FAM107B: variants seen among roughly 807,000 people sequenced by gnomAD.
FAM107B encodes protein FAM107B.
In FAM107B, 21 loss-of-function variants were observed where a neutral mutation model predicts 31.5. That is an observed-to-expected ratio of 0.67 (90% CI 0.47 to 0.96). The LOEUF is 0.96. Among genes scored for constraint, FAM107B ranks in the 40% least tolerant of loss-of-function variants. The pLI is 0.00. For synonymous variants in FAM107B, 157 were observed against 141.5 expected, an observed-to-expected ratio of 1.11 and a Z score of -0.78; for missense variants, 452 against 377.1, an observed-to-expected ratio of 1.20 and a Z score of -1.64.
chr10:14,761,070 T>C (rs1039944500), intron 1 of FAM107B, among the ~76,000 whole-genome samples: 10 of 147,314 alleles, frequency 6.8e-5, no homozygotes, highest in African/African-American at 2.5e-4. Flanking sequence ...GGGTGTTTAA[T>C]GAGAAAAAAG....
intron 2 of FAM107B, among the ~76,000 whole-genome samples, chr10:14,619,889 T>C (rs893735119): frequency 6.6e-6 from 1 of 152,012 alleles, no homozygotes; most frequent in Non-Finnish European, 1.5e-5. Context: ...TTTTTTTTCA[T>C]TAGTATACAG....
At chr10:14,576,529 A>AAACAAAAAC (rs1554836075) in intron 2 of FAM107B, among the ~76,000 whole-genome samples, 2 of 147,194 alleles carry the variant, frequency 1.4e-5, no homozygotes, top group African/African-American at 5.3e-5. Context: ...TACATCTCAA[A>AAACAAAAAC]AACAACAACA....
intron 1 of FAM107B, among the ~76,000 whole-genome samples, chr10:14,708,997 A>G (rs1314404467): frequency 1.3e-5 from 2 of 151,996 alleles, no homozygotes; most frequent in African/African-American, 4.8e-5. Context: ...ACAATGAGAT[A>G]CCACTGCATA....
At chr10:14,769,511 A>G (rs1329468129) in intron 1 of FAM107B, among the ~76,000 whole-genome samples, 1 of 151,996 alleles carries the variant, frequency 6.6e-6, no homozygotes, top group Non-Finnish European at 1.5e-5. Context: ...CAGTCTCCCA[A>G]GTAGCTGGGA....
At chr10:14,764,491 G>A (rs1833123203) in intron 1 of FAM107B, among the ~76,000 whole-genome samples, 1 of 152,148 alleles carries the variant, frequency 6.6e-6, no homozygotes, top group African/African-American at 2.4e-5. Flanking sequence ...GTCCTTTGTG[G>A]AGGATTCCCC....
At chr10:14,746,949 T>C (rs1041645536) in intron 1 of FAM107B, among the ~76,000 whole-genome samples, 2 of 151,474 alleles carry the variant, frequency 1.3e-5, no homozygotes, top group Non-Finnish European at 2.9e-5. Flanking sequence ...AGGTTTGGTC[T>C]TTTTACATAA....
chr10:14,774,386 G>C lies in FAM107B; in HGVS notation c.278C>G (p.Ser93Ter), dbSNP rs778239622. 1 of 1,614,238 alleles carries C rather than the reference G, an allele frequency of 6.2e-7. No individual in the cohort carries two copies. Among genetic ancestry groups the C allele is most frequent in the East Asian group, 2.2e-5 (1 of 44,886 alleles). ...AERNGSANRNSSHRTAAQPAE... is the reference protein window; with the variant it reads ...AERNGSANRN ...GGGCTGGGCCGCAGTGCGGTGACTTGAATTCCGATTCGCACTGCCATTTCT... is the reference window on the plus strand; with the variant it reads ...GGGCTGGGCCGCAGTGCGGTGACTTCAATTCCGATTCGCACTGCCATTTCT... Residue 93 changes from serine (S) to a stop codon, truncating the protein, a stop_gained, in exon 1 of 5, where the codon TCA (serine) becomes TGA (stop). Coordinates refer to ENST00000181796, the MANE Select transcript of FAM107B (RefSeq NM_031453.4). LOFTEE classifies it high-confidence loss of function.
intron 1 of FAM107B, among the ~76,000 whole-genome samples, chr10:14,677,718 T>C (rs1854724794): frequency 6.6e-6 from 1 of 152,156 alleles, no homozygotes; most frequent in South Asian, 2.1e-4. Flanking sequence ...ACTAACCATC[T>C]TAACTTGCTC....
chr10:14,644,405 G>A (rs1380441800), intron 2 of FAM107B, among the ~76,000 whole-genome samples: 1 of 152,184 alleles, frequency 6.6e-6, no homozygotes, highest in Admixed American at 6.5e-5. Context: ...AGGTTGAGCT[G>A]GGATTTGCAT....
intron 2 of FAM107B, among the ~76,000 whole-genome samples, chr10:14,621,503 C>T (rs914732709): frequency 6.6e-6 from 1 of 152,046 alleles, no homozygotes; most frequent in African/African-American, 2.4e-5. Flanking sequence ...CATAAGCCAA[C>T]GCCACAGGGC....
At chr10:14,575,214 T>TC (rs1022231199) in intron 2 of FAM107B, among the ~76,000 whole-genome samples, 31 of 151,936 alleles carry the variant, frequency 2.0e-4, no homozygotes, top group Admixed American at 6.6e-4. Context: ...TTTTTTTGTT[T>TC]TTTTTTTGAG....
At chr10:14,611,482 TTTTATATATATATA>T (rs1564599654) in intron 2 of FAM107B, among the ~76,000 whole-genome samples, 2 of 97,504 alleles carry the variant, frequency 2.1e-5, no homozygotes, top group East Asian at 2.9e-4. Flanking sequence ...TGAATGCCAG[TTTTATATATATATA>T]TATATATATA....
intron 1 of FAM107B, among the ~76,000 whole-genome samples, chr10:14,717,551 G>A (rs1006442836): frequency 4.6e-5 from 7 of 152,166 alleles, no homozygotes; most frequent in African/African-American, 1.4e-4. Context: ...GATGTCCAAG[G>A]GCAAGAGGAG....
intron 1 of FAM107B, among the ~76,000 whole-genome samples, chr10:14,758,618 G>T (rs1011482183): frequency 5.9e-5 from 9 of 152,170 alleles, no homozygotes; most frequent in African/African-American, 2.2e-4. Context: ...AGTAGAGCAT[G>T]GCACAGGTGG....
intron 1 of FAM107B, among the ~76,000 whole-genome samples, chr10:14,700,847 A>G (rs1588715053): frequency 6.6e-6 from 1 of 150,884 alleles, no homozygotes; most frequent in Non-Finnish European, 1.5e-5. Context: ...AAAAAAAAAA[A>G]AAAAACGCAC....
chr10:14,682,204 G>A (rs1854852683), intron 1 of FAM107B, among the ~76,000 whole-genome samples: 1 of 152,198 alleles, frequency 6.6e-6, no homozygotes, highest in South Asian at 2.1e-4. Context: ...ATGCAGAACA[G>A]ACACAAATGT....
chr10:14,774,894 C>T lies in FAM107B; in HGVS notation c.-231G>A. ...CCTGGGCAATTTCGCGCTCTTCCTTCTGTGATGCTGTCAGTGGCTAAAGAA... is the reference window on the plus strand; with the variant it reads ...CCTGGGCAATTTCGCGCTCTTCCTTTTGTGATGCTGTCAGTGGCTAAAGAA... On this transcript the variant is annotated 5_prime_UTR_variant, in exon 1 of 5. Coordinates refer to ENST00000181796, the MANE Select transcript of FAM107B (RefSeq NM_031453.4). 1 of 548,478 alleles carries T rather than the reference C, an allele frequency of 1.8e-6. No homozygotes were observed. The highest frequency in any genetic ancestry group is 3.2e-6 in the Non-Finnish European group (1 of 309,302). The allele number at this position is 548,478 out of a possible 1,614,324, so 34.0% of individuals were successfully genotyped here.
At chr10:14,773,094 G>T (rs1326739091) in intron 1 of FAM107B, among the ~76,000 whole-genome samples, 2 of 152,092 alleles carry the variant, frequency 1.3e-5, no homozygotes, top group African/African-American at 4.8e-5. Context: ...TTGGTTATGG[G>T]CTTTGGTTTA....
At chr10:14,612,007 T>C (rs1033084750) in intron 2 of FAM107B, among the ~76,000 whole-genome samples, 3 of 151,884 alleles carry the variant, frequency 2.0e-5, no homozygotes, top group African/African-American at 7.3e-5. Flanking sequence ...ATACATGTTA[T>C]ATACATAAGT....
Sources: gnomAD v4.1 joint callset for allele counts (sites outside exome capture counted in the v4.1 genomes callset) on GRCh38, gnomAD v4.1.1 for gene constraint, MANE v1.5 for transcripts, NCBI Gene and HGNC (gene_info 2026-07-23, HGNC 2026-07-21) for gene names.